The following ITPR2 variants were observed in gnomAD, a reference collection of about 807,000 sequenced individuals.
The protein encoded by ITPR2 is inositol 1,4,5-trisphosphate receptor type 2.
ITPR2 carries 207 observed loss-of-function variants against 317.1 expected under a neutral mutation model. The ratio of observed to expected loss-of-function variants is 0.65; its 90% CI spans 0.58 to 0.73. The LOEUF (loss-of-function observed/expected upper bound fraction) is 0.73, where lower values mean the gene tolerates loss of function less well. ITPR2 is among the 30% of genes least tolerant of loss of function. The pLI, the probability that ITPR2 is intolerant of heterozygous loss-of-function variation, is 0.00. For missense variants in ITPR2, 2,613 were observed against 3,284.0 expected, an observed-to-expected ratio of 0.80 and a Z score of 4.99; for synonymous variants, 1,156 against 1,149.1, an observed-to-expected ratio of 1.01 and a Z score of -0.12.
intron 21 of ITPR2, among the ~76,000 whole-genome samples, chr12:26,645,970 C>CTTTTTTTTTTTT (rs777192053): frequency 5.9e-5 from 7 of 119,018 alleles, no homozygotes; most frequent in East Asian, 2.4e-4. Context: ...TCTTTCTTTC[C>CTTTTTTTTTTTT]TTTTTTTTTT....
chr12:26,402,537 T>C (rs1320790735), intron 52 of ITPR2, among the ~76,000 whole-genome samples: 1 of 152,242 alleles, frequency 6.6e-6, no homozygotes, highest in Non-Finnish European at 1.5e-5. Flanking sequence ...TTCATGTGAT[T>C]AGCTGTTGTG....
intron 48 of ITPR2, among the ~76,000 whole-genome samples, chr12:26,432,500 C>T (rs1941237933): frequency 6.6e-6 from 1 of 151,920 alleles, no homozygotes; most frequent in African/African-American, 2.4e-5. Flanking sequence ...ATTATTTTTC[C>T]TTTCATAATT....
intron 37 of ITPR2, among the ~76,000 whole-genome samples, chr12:26,521,113 C>T (rs1017383536): frequency 1.3e-5 from 2 of 151,526 alleles, no homozygotes; most frequent in African/African-American, 4.8e-5. Context: ...CTCCAGTTAA[C>T]CAACCTGTAT....
chr12:26,732,311 T>C (rs895996999), intron 2 of ITPR2, among the ~76,000 whole-genome samples: 61 of 152,340 alleles, frequency 4.0e-4, no homozygotes, highest in African/African-American at 1.1e-3. Context: ...AATCTTTCCC[T>C]TCCTTGAAGC....
At chr12:26,470,535 A>T (rs1251465274) in intron 45 of ITPR2, among the ~76,000 whole-genome samples, 3 of 152,236 alleles carry the variant, frequency 2.0e-5, no homozygotes, top group Admixed American at 1.3e-4. Flanking sequence ...AATACAAATG[A>T]CCAAAGAACA....
At chr12:26,617,578 T>C (rs1277521242) in intron 26 of ITPR2, among the ~76,000 whole-genome samples, 1 of 142,296 alleles carries the variant, frequency 7.0e-6, no homozygotes, top group East Asian at 2.0e-4. Context: ...TACTGCTTGA[T>C]AGGAACAGTG....
chr12:26,500,134 C>T (rs1290484987), intron 37 of ITPR2, among the ~76,000 whole-genome samples: 2 of 152,208 alleles, frequency 1.3e-5, no homozygotes, highest in South Asian at 2.1e-4. Flanking sequence ...CGGTGAGAGA[C>T]ATGTACTGTG....
intron 21 of ITPR2, among the ~76,000 whole-genome samples, chr12:26,650,503 G>C (rs1412074772): frequency 1.3e-5 from 2 of 152,146 alleles, no homozygotes; most frequent in Non-Finnish European, 2.9e-5. Context: ...CCCTCTAGTG[G>C]AGGATGTTGA....
chr12:26,588,119 G>C (rs545426437), intron 32 of ITPR2, among the ~76,000 whole-genome samples: 1 of 152,204 alleles, frequency 6.6e-6, no homozygotes, highest in Admixed American at 6.5e-5. Flanking sequence ...AATGAATAAA[G>C]AGTTTGAGGT....
intron 2 of ITPR2, among the ~76,000 whole-genome samples, chr12:26,786,949 C>T (rs1950264024): frequency 6.6e-6 from 1 of 152,008 alleles, no homozygotes; most frequent in African/African-American, 2.4e-5. Flanking sequence ...CTTGGCAGGG[C>T]AGTCTGGAAA....
intron 37 of ITPR2, among the ~76,000 whole-genome samples, chr12:26,515,397 C>T (rs1461697474): frequency 6.6e-6 from 1 of 152,098 alleles, no homozygotes; most frequent in Non-Finnish European, 1.5e-5. Flanking sequence ...TATTGTATTG[C>T]CTGTGTAAAC....
chr12:26,786,986 A>T (rs1217960049), intron 2 of ITPR2, among the ~76,000 whole-genome samples: 1 of 152,040 alleles, frequency 6.6e-6, no homozygotes, highest in Non-Finnish European at 1.5e-5. Flanking sequence ...CTGGGAGGCA[A>T]ATCTACGAAA....
At chr12:26,611,461 T>C (rs543562679) in intron 26 of ITPR2, among the ~76,000 whole-genome samples, 1 of 152,024 alleles carries the variant, frequency 6.6e-6, no homozygotes, top group South Asian at 2.1e-4. Context: ...AAAAACTAGA[T>C]AGAGAGTTTA....
intron 37 of ITPR2, among the ~76,000 whole-genome samples, chr12:26,549,849 T>A (rs975737857): frequency 3.3e-5 from 5 of 151,838 alleles, no homozygotes; most frequent in Non-Finnish European, 7.4e-5. Context: ...GAATATATAT[T>A]TATAATAAAA....
chr12:26,468,591 C>T (rs1942228143), intron 45 of ITPR2, among the ~76,000 whole-genome samples: 1 of 149,706 alleles, frequency 6.7e-6, no homozygotes, highest in Non-Finnish European at 1.5e-5. Flanking sequence ...AAGATAATTG[C>T]ATCTGTACAC....
intron 16 of ITPR2, 40 bp downstream of exon 16, chr12:26,659,073 A>G (rs779538817): frequency 6.6e-7 from 1 of 1,514,844 alleles, no homozygotes; most frequent in South Asian, 1.2e-5. Context: ...TAAAGCCGCA[A>G]TCTCCACTAG....
At chr12:26,639,294 C>A (rs557831409) in intron 21 of ITPR2, among the ~76,000 whole-genome samples, 4 of 152,124 alleles carry the variant, frequency 2.6e-5, no homozygotes, top group African/African-American at 9.6e-5. Context: ...ACAAAAAAGA[C>A]CTAATAATTA....
chr12:26,589,160 G>A (rs1368647919), intron 32 of ITPR2, among the ~76,000 whole-genome samples: 1 of 152,106 alleles, frequency 6.6e-6, no homozygotes, highest in African/African-American at 2.4e-5. Context: ...TAATAGCATC[G>A]CTGCCTGCCT....
chr12:26,649,177 C>T (rs745332313), intron 21 of ITPR2: 5 of 151,256 alleles, frequency 3.3e-5, no homozygotes, highest in African/African-American at 7.3e-5. Context: ...AATCCTGCCA[C>T]ATTTGCATCT....
Sources: allele counts gnomAD v4.1 joint callset (sites outside exome capture counted in the v4.1 genomes callset), GRCh38; gene constraint gnomAD v4.1.1; transcripts MANE v1.5; gene names NCBI Gene and HGNC (gene_info 2026-07-23, HGNC 2026-07-21).